Variants in MARVELD3 observed in about 807,000 individuals in gnomAD.
MARVELD3 encodes MARVEL domain-containing protein 3.
A neutral mutation model predicts 33.5 loss-of-function variants in MARVELD3; 28 were observed. The observed-to-expected ratio is 0.84, with a 90% CI of 0.62 to 1.15. MARVELD3 has a LOEUF of 1.15. Ranked by LOEUF, MARVELD3 falls within the 50% of genes most tolerant of loss-of-function variation. The pLI, the probability that MARVELD3 is intolerant of heterozygous loss-of-function variation, is 0.00. For missense variants in MARVELD3, 582 were observed against 547.6 expected, an observed-to-expected ratio of 1.06 and a Z score of -0.63; for synonymous variants, 241 against 230.4, an observed-to-expected ratio of 1.05 and a Z score of -0.42.
At chr16:71,634,151 C>A in intron 2 of MARVELD3, 42 bp from the exon 3 acceptor site, 1 of 1,562,314 alleles carries the variant, frequency 6.4e-7, no homozygotes, top group South Asian at 1.2e-5. Context: ...CTCCTGGTGC[C>A]AAACAGCATC....
chr16:71,629,103 C>A, intron 1 of MARVELD3: 1 of 400,674 alleles, frequency 2.5e-6, no homozygotes. Flanking sequence ...CTCGCAGCTA[C>A]CTGGTGAGAC....
rs2044474077 is a variant in MARVELD3 at position 71,626,598 on chromosome 16, C to G, written c.369C>G (p.Thr123=). The G allele has an allele frequency of 3.9e-6, 6 of 1,542,930 alleles. No individual in the cohort carries two copies. The highest frequency in any genetic ancestry group is 5.2e-6 in the Non-Finnish European group (6 of 1,146,198). The change falls in exon 1 of 3, where the codon ACC becomes ACG. Residue 123 remains threonine (T), a synonymous_variant. Coordinates refer to ENST00000268485, the MANE Select transcript of MARVELD3 (RefSeq NM_052858.6). The surrounding 1 kb of genome is among the most constrained non-coding windows in gnomAD (Gnocchi z 5.3). ...SRTRDGARGL[T]WDAAAPPGPA... is the part of the protein sequence containing the mutation. ...CGCGGGACGGAGCCCGGGGACTGACCTGGGACGCAGCCGCGCCTCCTGGGC... is the reference window on the plus strand; with the variant it reads ...CGCGGGACGGAGCCCGGGGACTGACGTGGGACGCAGCCGCGCCTCCTGGGC...
In MARVELD3 at chr16:71,626,342, C is replaced by T. The variant is rs1201643633; in HGVS notation, c.113C>T (p.Pro38Leu). Residue 38 changes from proline (P) to leucine (L), a missense_variant, in exon 1 of 3, where the codon CCC (proline) becomes CTC (leucine). By Grantham distance (98) the Pro-to-Leu change is moderately conservative (BLOSUM62 -3). Coordinates refer to ENST00000268485, the MANE Select transcript of MARVELD3 (RefSeq NM_052858.6). The surrounding 1 kb of genome is among the most constrained non-coding windows in gnomAD (Gnocchi z 5.3). Reference protein sequence around the residue: ...GRTHDRPRDRPGDPRRKRSSD... With the variant: ...GRTHDRPRDRLGDPRRKRSSD... ...ACCCACGATCGACCGCGGGACCGACCCGGGGACCCGCGCAGGAAGCGAAGC... is the reference window on the plus strand; with the variant it reads ...ACCCACGATCGACCGCGGGACCGACTCGGGGACCCGCGCAGGAAGCGAAGC... 6.5e-7 allele frequency: 1 copy of T among 1,548,246 alleles called. No individual in the cohort carries two copies. The highest frequency in any genetic ancestry group is 2.4e-5 in the East Asian group (1 of 40,876).
chr16:71,640,386 CTAGGTGTGGTGCAGA>C, downstream of MARVELD3: 2 of 1,613,422 alleles, frequency 1.2e-6, no homozygotes, highest in South Asian at 2.2e-5. Context: ...CTCTCTTCTC[CTAGGTGTGGTGCAGA>C]TAGTGGAGGT....
downstream of MARVELD3, chr16:71,640,976 G>C (rs765406380): frequency 6.2e-7 from 1 of 1,613,348 alleles, no homozygotes; most frequent in Admixed American, 1.7e-5. Context: ...GCCGAGAACA[G>C]CCCGGAAGTT....
rs1215742815 is a variant in MARVELD3, at chr16:71,626,560, C to T, written c.331C>T (p.Arg111Cys). 1 of 1,548,422 alleles carries T rather than the reference C, an allele frequency of 6.5e-7. No individual in the cohort carries two copies. The highest frequency in any genetic ancestry group is 2.4e-5 in the East Asian group (1 of 40,882). The change falls in exon 1 of 3, where the codon CGC (arginine) becomes TGC (cysteine). Residue 111 changes from arginine (R) to cysteine (C), a missense_variant. Coordinates refer to ENST00000268485, the MANE Select transcript of MARVELD3 (RefSeq NM_052858.6). This position sits in a 1 kb window ranked among gnomAD's most constrained non-coding sequence, Gnocchi z 5.3. Reference sequence around the variant, plus strand: ...TGAACACGGAGTTTGGGAAAAACCGCGCCAAAGCCGGACGCGGGACGGAGC... The same window carrying T: ...TGAACACGGAGTTTGGGAAAAACCGTGCCAAAGCCGGACGCGGGACGGAGC... ...AGEHGVWEKPRQSRTRDGARG... is the reference protein window; with the variant it reads ...AGEHGVWEKPCQSRTRDGARG...
chr16:71,634,903 GA>G lies in MARVELD3; in HGVS notation c.*104del, dbSNP rs1401611066. 19 of 1,493,274 alleles carry G rather than the reference GA, an allele frequency of 1.3e-5. No individual in the cohort carries two copies. The highest frequency in any genetic ancestry group is 1.6e-5 in the Non-Finnish European group (18 of 1,125,622). The allele number at this position is 1,493,274 out of a possible 1,614,324, so 92.5% of individuals were successfully genotyped here. A position where few individuals can be genotyped will look rare whatever the true frequency, so the allele number is the denominator to read the frequency against. Reference sequence around the variant, plus strand: ...CTTGTTGTGGAAGTTTCCAGTGCTGGAAAAGCAGCGAGCCAGCGTTGGTGTG... The same window carrying G: ...CTTGTTGTGGAAGTTTCCAGTGCTGGAAAGCAGCGAGCCAGCGTTGGTGTG... On this transcript the variant is annotated 3_prime_UTR_variant, in exon 3 of 3. Coordinates refer to ENST00000268485, the MANE Select transcript of MARVELD3 (RefSeq NM_052858.6).
downstream of MARVELD3, chr16:71,640,869 G>A: frequency 6.2e-7 from 1 of 1,614,206 alleles, no homozygotes; most frequent in South Asian, 1.1e-5. Flanking sequence ...CACCGACGGA[G>A]CAGCAGCCAC....
At chr16:71,633,425 G>A (rs115496553) in intron 2 of MARVELD3, among the ~76,000 whole-genome samples, 3,550 of 152,178 alleles carry the variant, frequency 0.023, 122 homozygotes, top group African/African-American at 0.078. Context: ...TTTTTGAGAC[G>A]GAGTGTCGCC....
Position 71,626,452 on chromosome 16 carries a change from CG to C in MARVELD3, c.226del (p.Glu76ArgfsTer47), listed in dbSNP as rs2044470630. 9.7e-6 allele frequency: 15 copies of C among 1,549,142 alleles called. No homozygotes were observed. The highest frequency in any genetic ancestry group is 1.3e-5 in the Non-Finnish European group (15 of 1,146,728). The stretch of plus-strand genomic sequence containing the variant: ...CGGGAACCGCGACCGGAACCGGGAC[CG>C]GGAGAGGGAGAGAGAGAGGGAAAGA... ...RDGNRDRNRD[R>X]ERERERERDP... On this transcript the variant is annotated frameshift_variant, in exon 1 of 3. Coordinates refer to ENST00000268485, the MANE Select transcript of MARVELD3 (RefSeq NM_052858.6). LOFTEE classifies it high-confidence loss of function. The surrounding 1 kb of genome is among the most constrained non-coding windows in gnomAD (Gnocchi z 5.3).
intron 1 of MARVELD3, among the ~76,000 whole-genome samples, chr16:71,628,255 C>T (rs2044494344): frequency 6.6e-6 from 1 of 152,182 alleles, no homozygotes; most frequent in African/African-American, 2.4e-5. Context: ...ACTGTCCGAG[C>T]CGGACGCGGT....
chr16:71,631,260 A>G (rs915425335), intron 2 of MARVELD3, among the ~76,000 whole-genome samples: 4 of 152,200 alleles, frequency 2.6e-5, no homozygotes, highest in African/African-American at 9.6e-5. Context: ...GAAGTACAGT[A>G]AGATATCCAG....
intron 1 of MARVELD3, among the ~76,000 whole-genome samples, chr16:71,628,072 T>C (rs982944475): frequency 1.3e-5 from 2 of 152,192 alleles, no homozygotes; most frequent in African/African-American, 2.4e-5. Flanking sequence ...GCTCCTATCC[T>C]GAGTTTATGT....
At position 71,635,736 on chromosome 16, in the gene MARVELD3, C is replaced by T; in HGVS notation, c.*933C>T. 2 of 985,380 alleles carry T rather than the reference C, an allele frequency of 2.0e-6. No individual in the cohort carries two copies. The highest frequency in any genetic ancestry group is 5.2e-4 in the Middle Eastern group (1 of 1,914). The allele number at this position is 985,380 out of a possible 1,614,324, so 61.0% of individuals were successfully genotyped here. Reference sequence around the variant, plus strand: ...ACACGTTTTTCCACACTGAACTCTCCAGTCCTTCCACTTCCTTAATTCTGC... The same window carrying T: ...ACACGTTTTTCCACACTGAACTCTCTAGTCCTTCCACTTCCTTAATTCTGC... On this transcript the variant is annotated 3_prime_UTR_variant, in exon 3 of 3. Transcript: ENST00000268485.
downstream of MARVELD3, chr16:71,638,546 T>C (rs138347953): frequency 1.3e-5 from 2 of 152,454 alleles, no homozygotes; most frequent in East Asian, 1.9e-4. Context: ...ATGAAAGCGG[T>C]TGGCAACATT....
At chr16:71,632,708 T>C (rs1266876681) in intron 2 of MARVELD3, among the ~76,000 whole-genome samples, 3 of 151,598 alleles carry the variant, frequency 2.0e-5, no homozygotes, top group African/African-American at 4.9e-5. Flanking sequence ...GCCTCCTGGG[T>C]TCAAGCGATT....
chr16:71,640,147 T>C (rs1046092591), downstream of MARVELD3, among the ~76,000 whole-genome samples: 4 of 151,422 alleles, frequency 2.6e-5, no homozygotes. Context: ...TGCGTGCCTG[T>C]AGTTCCAGCT....
In MARVELD3 at chr16:71,634,989, T is replaced by A. The variant is rs879677970; in HGVS notation, c.*186T>A. ...CATGGATGCAACAGACCCTGGCTTC[T>A]GGAGTCCTCTGTGAGTGAGGGACCA... is the stretch of plus-strand genomic sequence containing the variant. On this transcript the variant is annotated 3_prime_UTR_variant, in exon 3 of 3. Transcript: ENST00000268485. 2.2e-6 allele frequency: 3 copies of A among 1,379,422 alleles called. No individual in the cohort carries two copies. Among genetic ancestry groups the A allele is most frequent in the Admixed American group, 3.1e-5 (1 of 32,654 alleles). 85.4% of individuals were successfully genotyped at this position (1,379,422 alleles called of 1,614,324 possible).
downstream of MARVELD3, among the ~76,000 whole-genome samples, chr16:71,636,917 T>A (rs570251680): frequency 3.9e-5 from 6 of 152,214 alleles, no homozygotes; most frequent in African/African-American, 1.4e-4. Flanking sequence ...ACAACAAAGA[T>A]CTCATGTCGT....
Sources: gnomAD v4.1 joint callset for allele counts (sites outside exome capture counted in the v4.1 genomes callset) on GRCh38, gnomAD v4.1.1 for gene constraint, Gnocchi (gnomAD v3.1) non-coding constraint, MANE v1.5 for transcripts, NCBI Gene and HGNC (gene_info 2026-07-23, HGNC 2026-07-21) for gene names.